The following HHAT variants were observed in gnomAD, a reference collection of about 807,000 sequenced individuals.
HHAT encodes hedgehog acyltransferase, also known as protein-cysteine N-palmitoyltransferase HHAT.
In HHAT, 47 loss-of-function variants were observed where a neutral mutation model predicts 70.8. That is an observed-to-expected ratio of 0.66 (90% confidence interval 0.53 to 0.85). The LOEUF is 0.85. HHAT is among the 40% of genes least tolerant of loss of function. HHAT has a pLI of 0.00. For synonymous variants in HHAT, 228 were observed against 247.6 expected, an observed-to-expected ratio of 0.92 and a Z score of 0.74; for missense variants, 609 against 604.8, an observed-to-expected ratio of 1.01 and a Z score of -0.07.
chr1:210,673,626 C>G (rs1680554132), intron 11 of HHAT, among the ~76,000 whole-genome samples: 1 of 148,468 alleles, frequency 6.7e-6, no homozygotes, highest in African/African-American at 2.5e-5. Context: ...GGGTCTAACT[C>G]TGTGGCCCAA....
intron 10 of HHAT, among the ~76,000 whole-genome samples, chr1:210,615,973 A>C (rs901045792): frequency 6.6e-6 from 1 of 152,180 alleles, no homozygotes; most frequent in Admixed American, 6.5e-5. Flanking sequence ...CTCAGTTGGA[A>C]ATGCAGAAAT....
At chr1:210,645,888 C>G (rs1414940715) in intron 11 of HHAT, among the ~76,000 whole-genome samples, 1 of 152,204 alleles carries the variant, frequency 6.6e-6, no homozygotes, top group African/African-American at 2.4e-5. Flanking sequence ...TATACGCTCT[C>G]TAGCCCACAG....
intron 10 of HHAT, among the ~76,000 whole-genome samples, chr1:210,612,881 T>G (rs1255520315): frequency 4.6e-5 from 7 of 152,300 alleles, no homozygotes; most frequent in Admixed American, 2.6e-4. Flanking sequence ...GCATTTCCTT[T>G]ATGACTTTTT....
At chr1:210,448,488 G>T (rs1213339221) in intron 7 of HHAT, among the ~76,000 whole-genome samples, 1 of 152,150 alleles carries the variant, frequency 6.6e-6, no homozygotes, top group Admixed American at 6.5e-5. Flanking sequence ...CCAGGAGGTG[G>T]CAGTAAAAGA....
intron 11 of HHAT, among the ~76,000 whole-genome samples, chr1:210,669,550 A>C (rs770694660): frequency 6.6e-6 from 1 of 152,178 alleles, no homozygotes; most frequent in African/African-American, 2.4e-5. Context: ...CTGTCAAATA[A>C]TCTGTCCTAT....
At chr1:210,498,199 G>C (rs951378798) in intron 8 of HHAT, among the ~76,000 whole-genome samples, 1 of 152,104 alleles carries the variant, frequency 6.6e-6, no homozygotes, top group Non-Finnish European at 1.5e-5. Context: ...TCTCTTGCAT[G>C]GATTTATGTC....
chr1:210,433,837 G>A (rs2148333166), intron 7 of HHAT, among the ~76,000 whole-genome samples: 1 of 151,992 alleles, frequency 6.6e-6, no homozygotes, highest in Non-Finnish European at 1.5e-5. Context: ...TCAGGTGGAG[G>A]CCAGGCTCCA....
At chr1:210,386,867 TGGG>T (rs1424798054) in intron 3 of HHAT, among the ~76,000 whole-genome samples, 7 of 152,170 alleles carry the variant, frequency 4.6e-5, no homozygotes, top group African/African-American at 1.7e-4. Context: ...CAGAGCTTCT[TGGG>T]GGGAAGGGAA....
At chr1:210,541,313 A>G (rs1195744983) in intron 9 of HHAT, among the ~76,000 whole-genome samples, 1 of 152,170 alleles carries the variant, frequency 6.6e-6, no homozygotes, top group Non-Finnish European at 1.5e-5. Context: ...GTGTCCCCAA[A>G]TCTTCCTGTG....
intron 10 of HHAT, among the ~76,000 whole-genome samples, chr1:210,601,979 G>GTGTGTA (rs1664389355): frequency 6.6e-6 from 1 of 150,996 alleles, no homozygotes; most frequent in Non-Finnish European, 1.5e-5. Flanking sequence ...GAGTGTGTGT[G>GTGTGTA]TGTGTGTATG....
chr1:210,407,494 G>C (rs1305374080), intron 6 of HHAT, among the ~76,000 whole-genome samples: 5 of 152,210 alleles, frequency 3.3e-5, no homozygotes, highest in African/African-American at 1.2e-4. Context: ...GACAATGTTA[G>C]TTTTAGGCAT....
Position 210,328,935 on chromosome 1 carries a change from G to A in HHAT, c.-213G>A. Reference sequence around the variant, plus strand: ...CGGCAGGGGCGTGCTCGGAGGACGCGCGCTGCGCTGCTCCTCCAAAGGGCA... The same window carrying A: ...CGGCAGGGGCGTGCTCGGAGGACGCACGCTGCGCTGCTCCTCCAAAGGGCA... On this transcript the variant is annotated 5_prime_UTR_variant, in exon 1 of 12. Coordinates refer to ENST00000261458, the MANE Select transcript of HHAT (RefSeq NM_018194.6). 9.1e-7 allele frequency: 1 copy of A among 1,098,638 alleles called. No individual in the cohort carries two copies. Among genetic ancestry groups the A allele is most frequent in the Non-Finnish European group, 1.2e-6 (1 of 855,896 alleles). The allele number at this position is 1,098,638 out of a possible 1,614,324, so 68.1% of individuals were successfully genotyped here.
intron 9 of HHAT, among the ~76,000 whole-genome samples, chr1:210,524,650 T>C (rs6700615): frequency 0.13 from 20,427 of 151,934 alleles, 2,750 homozygotes; most frequent in East Asian, 0.4. Flanking sequence ...AGTAGGGGAG[T>C]GACAGGATCT....
intron 10 of HHAT, among the ~76,000 whole-genome samples, chr1:210,621,364 T>A (rs1024032294): frequency 2.0e-5 from 3 of 152,078 alleles, no homozygotes; most frequent in African/African-American, 7.2e-5. Flanking sequence ...ACTCAGTGGA[T>A]CCCTTAGGAA....
At chr1:210,585,381 G>C (rs1220006654) in intron 9 of HHAT, among the ~76,000 whole-genome samples, 1 of 152,142 alleles carries the variant, frequency 6.6e-6, no homozygotes, top group African/African-American at 2.4e-5. Context: ...TTTGGGAACT[G>C]TTGTAATAGG....
intron 3 of HHAT, among the ~76,000 whole-genome samples, chr1:210,371,301 A>G (rs1213773443): frequency 2.6e-5 from 4 of 152,212 alleles, no homozygotes; most frequent in Non-Finnish European, 5.9e-5. Flanking sequence ...GGCATGTGCC[A>G]TCATACTTGG....
At chr1:210,672,761 AAAAAG>A (rs956129097) in intron 11 of HHAT, among the ~76,000 whole-genome samples, 1 of 152,226 alleles carries the variant, frequency 6.6e-6, no homozygotes, top group African/African-American at 2.4e-5. Context: ...AAAAAAGAAG[AAAAAG>A]AAAAGAACAT....
In HHAT at chr1:210,642,471, A is replaced by G. The variant is rs565238461; in HGVS notation, c.1390+18801A>G. 2.6e-5 allele frequency among the ~76,000 whole-genome samples: 4 copies of G among 152,328 alleles called. 1 individual carries two copies. The South Asian group carries it at 8.3e-4, about 32-fold the overall frequency. ...GGGTTGCACCAATTTATTGTCTCAC[A>G]AGAGTGCATGAGGAACCTAGTGGCC... On this transcript the variant is annotated intron_variant, in intron 11 of 11. Coordinates refer to ENST00000261458, the MANE Select transcript of HHAT (RefSeq NM_018194.6).
intron 8 of HHAT, among the ~76,000 whole-genome samples, chr1:210,511,634 G>C (rs897058380): frequency 2.0e-4 from 31 of 152,024 alleles, no homozygotes; most frequent in Admixed American, 2.6e-4. Context: ...TTGTCTGAAA[G>C]GGACAGAATT....
Sources: allele counts gnomAD v4.1 joint callset (sites outside exome capture counted in the v4.1 genomes callset), GRCh38; gene constraint gnomAD v4.1.1; transcripts MANE v1.5; gene names NCBI Gene and HGNC (gene_info 2026-07-23, HGNC 2026-07-21).